Variants in ARID3A observed in about 807,000 individuals in gnomAD.
ARID3A encodes the protein AT-rich interaction domain 3A.
A neutral mutation model predicts 52.7 loss-of-function variants in ARID3A; 11 were observed. That is an observed-to-expected ratio of 0.21 (90% CI 0.13 to 0.35). The LOEUF (loss-of-function observed/expected upper bound fraction) is 0.35, where lower values mean the gene tolerates loss of function less well. Among genes scored for constraint, ARID3A ranks in the 10% least tolerant of loss-of-function variants. The pLI is 1.00. For missense variants in ARID3A, 721 were observed against 838.5 expected, an observed-to-expected ratio of 0.86 and a Z score of 1.73; for synonymous variants, 404 against 359.4, an observed-to-expected ratio of 1.12 and a Z score of -1.40.
intron 3 of ARID3A, among the ~76,000 whole-genome samples, chr19:937,181 T>G (rs2037454262): frequency 6.6e-6 from 1 of 150,660 alleles, no homozygotes; most frequent in South Asian, 2.1e-4. Flanking sequence ...ACAGAACCGC[T>G]TGAACCCGGG....
chr19:956,273 C>T (rs923940136), intron 3 of ARID3A, among the ~76,000 whole-genome samples: 1 of 152,200 alleles, frequency 6.6e-6, no homozygotes, highest in Admixed American at 6.5e-5. Context: ...GTCCCCCTCT[C>T]CGCCCTGCCC....
At chr19:933,849 G>GGC (rs1555726120) in intron 3 of ARID3A, among the ~76,000 whole-genome samples, 6 of 148,198 alleles carry the variant, frequency 4.0e-5, no homozygotes, top group African/African-American at 1.2e-4. Context: ...GACTCGGTGG[G>GGC]GGGGGGGGGC....
intron 3 of ARID3A, among the ~76,000 whole-genome samples, chr19:948,865 A>G (rs2037742982): frequency 6.6e-6 from 1 of 151,348 alleles, no homozygotes; most frequent in Non-Finnish European, 1.5e-5. Context: ...GTGCGCCACC[A>G]CGCCCGGCTA....
intron 7 of ARID3A, among the ~76,000 whole-genome samples, chr19:967,115 C>T (rs959616259): frequency 3.9e-5 from 6 of 152,038 alleles, no homozygotes; most frequent in South Asian, 4.2e-4. Flanking sequence ...ACAAATTAGC[C>T]GGGCGTGGCA....
Position 929,201 on chromosome 19 carries a change from A to C in ARID3A, c.-267-61A>C. 1 of 170,872 alleles carries C rather than the reference A, an allele frequency of 5.9e-6. No homozygotes were observed. Among genetic ancestry groups the C allele is most frequent in the Non-Finnish European group, 1.2e-5 (1 of 80,266 alleles). 10.6% of individuals were successfully genotyped at this position (170,872 alleles called of 1,614,324 possible). A position where few individuals can be genotyped will look rare whatever the true frequency, so the allele number is the denominator to read the frequency against. On this transcript the variant is annotated intron_variant, in intron 1 of 8. Transcript: ENST00000263620. This position sits in a 1 kb window ranked among gnomAD's most constrained non-coding sequence, Gnocchi z 6.2. ...GCTGATCCCCAGGGCCTTCATGGGG[A>C]AGGAAGGAGGGGGCTTGAGGAGCTC...
intron 3 of ARID3A, among the ~76,000 whole-genome samples, chr19:948,328 GC>G (rs2037730205): frequency 6.6e-6 from 1 of 152,050 alleles, no homozygotes; most frequent in Non-Finnish European, 1.5e-5. Flanking sequence ...GCCCCGTGTG[GC>G]TGGCCCTGTG....
chr19:975,134 C>A lies in ARID3A; in HGVS notation c.*3069C>A. 4.3e-6 allele frequency: 1 copy of A among 230,874 alleles called. No homozygotes were observed. The highest frequency in any genetic ancestry group is 8.5e-6 in the Non-Finnish European group (1 of 117,094). 14.3% of individuals were successfully genotyped at this position (230,874 alleles called of 1,614,324 possible). A position where few individuals can be genotyped will look rare whatever the true frequency, so the allele number is the denominator to read the frequency against. ...CTTTCTGGGGTGCAGCTCAGCACCC[C>A]CCCTTATGCAGACTGGGAGGGGGTC... On this transcript the variant is annotated 3_prime_UTR_variant, in exon 9 of 9. Coordinates refer to ENST00000263620, the MANE Select transcript of ARID3A (RefSeq NM_005224.3).
chr19:971,195 G>A (rs541420852), intron 8 of ARID3A, among the ~76,000 whole-genome samples: 1 of 152,194 alleles, frequency 6.6e-6, no homozygotes, highest in Non-Finnish European at 1.5e-5. Flanking sequence ...GGAAGTTTAA[G>A]CTGGGCTCAC....
At chr19:934,503 G>A (rs1024189629) in intron 3 of ARID3A, among the ~76,000 whole-genome samples, 4 of 152,214 alleles carry the variant, frequency 2.6e-5, no homozygotes, top group Admixed American at 6.5e-5. Flanking sequence ...GCGGGAAGCC[G>A]AGATGGGGAA....
chr19:966,487 A>G (rs1201527379), intron 6 of ARID3A, 85 bp from the exon 7 acceptor site: 3 of 1,168,392 alleles, frequency 2.6e-6, no homozygotes, highest in African/African-American at 1.6e-5. Flanking sequence ...AAAAGAAAAG[A>G]AAAAAGAAGG....
intron 2 of ARID3A, among the ~76,000 whole-genome samples, chr19:931,851 G>A (rs926824376): frequency 5.9e-5 from 9 of 151,844 alleles, no homozygotes; most frequent in Admixed American, 3.9e-4. Flanking sequence ...TGCCAAGAAA[G>A]TCTAGGAGGG....
chr19:954,799 G>A (rs539074346), intron 3 of ARID3A, among the ~76,000 whole-genome samples: 12 of 152,104 alleles, frequency 7.9e-5, no homozygotes, highest in African/African-American at 2.2e-4. Flanking sequence ...AGGAACAGCC[G>A]GGGCGAAGGC....
At chr19:965,935 T>C (rs1599425553) in intron 6 of ARID3A, among the ~76,000 whole-genome samples, 1 of 146,196 alleles carries the variant, frequency 6.8e-6, no homozygotes, top group Non-Finnish European at 1.5e-5. Flanking sequence ...GAGGTTGCGG[T>C]GAGCCAAGAT....
intron 4 of ARID3A, among the ~76,000 whole-genome samples, chr19:961,417 T>G (rs1019703806): frequency 6.6e-6 from 1 of 152,212 alleles, no homozygotes; most frequent in East Asian, 1.9e-4. Context: ...GGGCCCCTCC[T>G]GTGTTATCCT....
chr19:953,065 C>T (rs2037835752), intron 3 of ARID3A, among the ~76,000 whole-genome samples: 1 of 152,128 alleles, frequency 6.6e-6, no homozygotes, highest in Non-Finnish European at 1.5e-5. Context: ...TTTTTCTGAC[C>T]TTCCTCCCAC....
chr19:946,811 T>A (rs965262398), intron 3 of ARID3A, among the ~76,000 whole-genome samples: 13 of 151,918 alleles, frequency 8.6e-5, no homozygotes, highest in Non-Finnish European at 1.5e-4. Context: ...TGTGTGTGTG[T>A]GTGACAGGGT....
At chr19:936,297 G>A (rs113703584) in intron 3 of ARID3A, among the ~76,000 whole-genome samples, 43,420 of 152,106 alleles carry the variant, frequency 0.29, 9,007 homozygotes, top group African/African-American at 0.57. Flanking sequence ...TCACACCTGT[G>A]ATCCCGGCAC....
intron 3 of ARID3A, among the ~76,000 whole-genome samples, chr19:953,709 G>A (rs953343811): frequency 1.1e-4 from 16 of 152,302 alleles, no homozygotes; most frequent in East Asian, 1.9e-4. Context: ...GCGGGGACCC[G>A]GGAGCTGCAT....
chr19:968,641 GACAA>G (rs1463122831), intron 8 of ARID3A, 138 bp downstream of exon 8: 6 of 706,036 alleles, frequency 8.5e-6, no homozygotes, highest in South Asian at 5.3e-5. Flanking sequence ...GGCTTTGCAG[GACAA>G]ACAGTCAAGA....
Sources: allele counts gnomAD v4.1 joint callset (sites outside exome capture counted in the v4.1 genomes callset), GRCh38; gene constraint gnomAD v4.1.1; non-coding constraint Gnocchi (gnomAD v3.1); transcripts MANE v1.5; gene names NCBI Gene and HGNC (gene_info 2026-07-23, HGNC 2026-07-21).